The following CATSPERE variants were observed in gnomAD, a reference collection of about 807,000 sequenced individuals.
CATSPERE encodes the protein cation channel sperm-associated auxiliary subunit epsilon.
CATSPERE carries 93 observed loss-of-function variants against 114.1 expected under a neutral mutation model. The observed-to-expected ratio is 0.81, with a 90% CI of 0.69 to 0.97. The LOEUF (loss-of-function observed/expected upper bound fraction) is 0.97. Ranked by LOEUF, CATSPERE falls within the 50% of genes least tolerant of loss-of-function variation. The pLI is 0.00. For synonymous variants in CATSPERE, 341 were observed against 384.1 expected (o/e 0.89, Z 1.31); for missense variants, 1,058 against 1,131.6 (o/e 0.93, Z 0.93).
chr1:244,530,420 G>A (rs184463424), intron 8 of CATSPERE, among the ~76,000 whole-genome samples: 41 of 152,298 alleles, frequency 2.7e-4, no homozygotes, highest in African/African-American at 9.4e-4. Context: ...GGTTACTGTA[G>A]CTCTGTGGTA....
chr1:244,491,077 G>A (rs1489508558), intron 6 of CATSPERE, among the ~76,000 whole-genome samples: 2 of 152,054 alleles, frequency 1.3e-5, no homozygotes, highest in South Asian at 4.1e-4. Context: ...ATTGAACTCA[G>A]CTCTGCACCA....
At chr1:244,591,282 ACT>A (rs987171585) in intron 14 of CATSPERE, among the ~76,000 whole-genome samples, 1 of 148,138 alleles carries the variant, frequency 6.8e-6, no homozygotes, top group African/African-American at 2.5e-5. Flanking sequence ...CTTCACATCT[ACT>A]CTCTTTGCGT....
At chr1:244,589,460 A>T (rs993897535) in intron 14 of CATSPERE, among the ~76,000 whole-genome samples, 4 of 152,216 alleles carry the variant, frequency 2.6e-5, no homozygotes, top group African/African-American at 7.2e-5. Context: ...AAATGCAAAA[A>T]GGCTAGTTGA....
rs1675203603 is a variant in CATSPERE at position 244,640,379 on chromosome 1, G to GTAA, written c.*299_*300insAAT. 5.4e-6 allele frequency: 1 copy of GTAA among 184,440 alleles called. No individual in the cohort carries two copies. The highest frequency in any genetic ancestry group is 2.4e-5 in the African/African-American group (1 of 42,134). 11.4% of individuals were successfully genotyped at this position (184,440 alleles called of 1,614,324 possible). On this transcript the variant is annotated 3_prime_UTR_variant, in exon 22 of 22. Coordinates refer to ENST00000366534, the MANE Select transcript of CATSPERE (RefSeq NM_001130957.2). ...ATTACAATCCTTTGTAAGAATGAAA[G>GTAA]TGAATTTTTGAAAATATATCTATGT...
In CATSPERE at chr1:244,610,224, T is replaced by C; in HGVS notation, c.2404-16T>C. ...AAACTTCTACCTACCCACATACATGTGCCATCTTTTGACAGAGTGGTTGTT... is the reference window on the plus strand; with the variant it reads ...AAACTTCTACCTACCCACATACATGCGCCATCTTTTGACAGAGTGGTTGTT... On this transcript the variant is annotated splice_polypyrimidine_tract_variant and intron_variant, in intron 18 of 21. Transcript: ENST00000366534. 1 of 1,565,772 alleles carries C rather than the reference T, an allele frequency of 6.4e-7. No homozygotes were observed. The highest frequency in any genetic ancestry group is 8.7e-7 in the Non-Finnish European group (1 of 1,145,414).
chr1:244,479,702 T>C lies in CATSPERE; in HGVS notation c.259-15T>C. ...AATGTTAATATATCACAGTTTCTTT[T>C]GCATTTTCTTTTAGGATGAAGAAGA... On this transcript the variant is annotated splice_polypyrimidine_tract_variant and intron_variant, in intron 4 of 21. Coordinates refer to ENST00000366534, the MANE Select transcript of CATSPERE (RefSeq NM_001130957.2). 6.4e-7 allele frequency: 1 copy of C among 1,551,648 alleles called. No individual in the cohort carries two copies. Among genetic ancestry groups the C allele is most frequent in the African/African-American group, 1.4e-5 (1 of 73,422 alleles).
chr1:244,614,414 A>G (rs1346323362), intron 19 of CATSPERE, among the ~76,000 whole-genome samples: 1 of 152,236 alleles, frequency 6.6e-6, no homozygotes, highest in East Asian at 1.9e-4. Context: ...AGAATCTATG[A>G]CAAGCCTGTT....
chr1:244,574,950 T>C (rs1665012077), intron 11 of CATSPERE, among the ~76,000 whole-genome samples: 1 of 152,220 alleles, frequency 6.6e-6, no homozygotes. Context: ...TTTTACACTT[T>C]TTCTTCCTAG....
chr1:244,461,080 T>A (rs1666664954), upstream of CATSPERE, among the ~76,000 whole-genome samples: 1 of 93,946 alleles, frequency 1.1e-5, no homozygotes, highest in South Asian at 2.6e-4. Context: ...ATTGGATTTT[T>A]CTTTTTCTTT....
intron 8 of CATSPERE, among the ~76,000 whole-genome samples, chr1:244,530,723 A>T (rs1679448580): frequency 6.6e-6 from 1 of 152,042 alleles, no homozygotes; most frequent in Non-Finnish European, 1.5e-5. Context: ...CATTGCAGAG[A>T]TCTTTCAATT....
chr1:244,455,240 T>A (rs1666027230), intron 1 of CATSPERE, among the ~76,000 whole-genome samples: 1 of 152,152 alleles, frequency 6.6e-6, no homozygotes, highest in Admixed American at 6.6e-5. Flanking sequence ...CTTTGCCATT[T>A]ATTGAGGTTC....
chr1:244,453,278 G>A (rs147756352), upstream of CATSPERE, among the ~76,000 whole-genome samples: 24 of 152,334 alleles, frequency 1.6e-4, no homozygotes, highest in East Asian at 4.4e-3. Context: ...AATGCCCGAG[G>A]TAGTGTTGGG....
chr1:244,604,547 A>C (rs530567798), intron 17 of CATSPERE, among the ~76,000 whole-genome samples: 151 of 152,350 alleles, frequency 9.9e-4, no homozygotes, highest in African/African-American at 3.5e-3. Context: ...ATAGACACAG[A>C]GCAGTGAGTG....
intron 21 of CATSPERE, among the ~76,000 whole-genome samples, chr1:244,635,809 G>T (rs2270949): frequency 0.042 from 6,424 of 152,232 alleles, 162 homozygotes; most frequent in Admixed American, 0.065. Context: ...TTTTTGGGGG[G>T]CTATGAAATC....
rs973887169 is a variant in CATSPERE at position 244,603,824 on chromosome 1, A to G, written c.2304-1871A>G. ...TGTTCAAGATGAGGCTGGACAACATAGTGAGACTCCCCATCTCTACAAAAG... is the reference window on the plus strand; with the variant it reads ...TGTTCAAGATGAGGCTGGACAACATGGTGAGACTCCCCATCTCTACAAAAG... On this transcript the variant is annotated intron_variant, in intron 17 of 21. Transcript: ENST00000366534. Among the ~76,000 whole-genome samples the G allele has an allele frequency of 5.9e-5, 9 of 152,278 alleles. 1 individual carries two copies. Among genetic ancestry groups the G allele is most frequent in the African/African-American group, 1.9e-4 (8 of 41,550 alleles).
intron 8 of CATSPERE, among the ~76,000 whole-genome samples, chr1:244,525,160 T>TA (rs1182921291): frequency 2.7e-5 from 4 of 150,292 alleles, no homozygotes; most frequent in African/African-American, 9.9e-5. Flanking sequence ...TATGCAGCCA[T>TA]AAAAAATGAT....
intron 3 of CATSPERE, 113 bp downstream of exon 3, chr1:244,477,727 A>T: frequency 1.0e-6 from 1 of 958,192 alleles, no homozygotes; most frequent in Non-Finnish European, 1.6e-6. Context: ...TTCATTAAGT[A>T]GATGTGAAAA....
At chr1:244,559,072 T>C (rs1463463749) in intron 9 of CATSPERE, among the ~76,000 whole-genome samples, 2 of 152,178 alleles carry the variant, frequency 1.3e-5, no homozygotes, top group African/African-American at 4.8e-5. Context: ...AAGCATTAAG[T>C]GGAGTTACGT....
chr1:244,539,182 AG>A (rs1349858714), intron 8 of CATSPERE, among the ~76,000 whole-genome samples: 4 of 151,888 alleles, frequency 2.6e-5, no homozygotes, highest in African/African-American at 7.3e-5. Flanking sequence ...TTTAGCATGA[AG>A]GGTTGTTGAA....
Sources: gnomAD v4.1 joint callset for allele counts (sites outside exome capture counted in the v4.1 genomes callset) on GRCh38, gnomAD v4.1.1 for gene constraint, MANE v1.5 for transcripts, NCBI Gene and HGNC (gene_info 2026-07-23, HGNC 2026-07-21) for gene names.